The following MAP3K15 variants were observed in gnomAD, a reference collection of about 807,000 sequenced individuals.
MAP3K15 encodes mitogen-activated protein kinase kinase kinase 15.
Under a neutral mutation model 99.5 loss-of-function variants are expected in MAP3K15, and 124 were observed. That is an observed-to-expected ratio of 1.25 (90% CI 1.08 to 1.45). MAP3K15 has a LOEUF of 1.45. Ranked by LOEUF, MAP3K15 falls within the 40% of genes most tolerant of loss-of-function variation. The pLI is 0.00. For synonymous variants in MAP3K15, 494 were observed against 439.6 expected (o/e 1.12, Z -1.55); for missense variants, 1,242 against 1,079.7 (o/e 1.15, Z -2.11).
Position 19,361,586 on chromosome X carries a change from T to C in MAP3K15, c.3687A>G (p.Thr1229=). The C allele has an allele frequency of 8.4e-7, 1 of 1,188,522 alleles. No individual in the cohort carries two copies. The highest frequency in any genetic ancestry group is 1.1e-6 in the Non-Finnish European group (1 of 876,137). The change falls in exon 27 of 29, where the codon ACA becomes ACG. Residue 1229 remains threonine, a synonymous_variant. Coordinates refer to ENST00000338883, the MANE Select transcript of MAP3K15 (RefSeq NM_001001671.4). The part of the protein sequence containing the change: ...LQLKLKSNCI[T]ENPAGPYGQR... ...GCCCGTAGGGGCCTGCTGGGTTCTC[T>C]GTAATACCTGTAACGATTGGCAATT...
intron 12 of MAP3K15, among the ~76,000 whole-genome samples, chrX:19,409,103 CCTTTT>C (rs2063668563): frequency 9.0e-6 from 1 of 111,462 alleles, no homozygotes; most frequent in South Asian, 3.8e-4. Context: ...TTATTTCCCT[CCTTTT>C]AAGTGATGTT....
chrX:19,499,779 T>C (rs1312582960), intron 1 of MAP3K15, among the ~76,000 whole-genome samples: 1 of 111,533 alleles, frequency 9.0e-6, no homozygotes, highest in Non-Finnish European at 1.9e-5. Flanking sequence ...CATAGCCTTA[T>C]AGGGGTAAAG....
intron 6 of MAP3K15, among the ~76,000 whole-genome samples, chrX:19,436,978 C>T (rs1224278990): frequency 1.8e-5 from 2 of 111,836 alleles, no homozygotes; most frequent in African/African-American, 6.5e-5. Context: ...ATGGCTGGCC[C>T]CAAATCAAAC....
chrX:19,503,737 A>C (rs751588083), intron 1 of MAP3K15, among the ~76,000 whole-genome samples: 27 of 110,557 alleles, frequency 2.4e-4, no homozygotes, highest in Non-Finnish European at 3.6e-4. Flanking sequence ...ATAGGATATA[A>C]GAAGTCTTAA....
At chrX:19,429,473 C>G (rs774249678) in intron 7 of MAP3K15, among the ~76,000 whole-genome samples, 24 of 109,972 alleles carry the variant, frequency 2.2e-4, no homozygotes, top group Non-Finnish European at 4.0e-4. Context: ...AAAGTTTAGA[C>G]CTAGGAGGGT....
At chrX:19,384,506 G>A (rs904942723) in intron 18 of MAP3K15, among the ~76,000 whole-genome samples, 6 of 110,009 alleles carry the variant, frequency 5.5e-5, no homozygotes, top group Non-Finnish European at 7.6e-5. Context: ...TTGGGAGGCC[G>A]AGGTGGGTGG....
At chrX:19,439,545 C>T (rs2063945227) in intron 6 of MAP3K15, among the ~76,000 whole-genome samples, 2 of 111,635 alleles carry the variant, frequency 1.8e-5, no homozygotes, top group African/African-American at 6.5e-5. Flanking sequence ...AGCTCAACCA[C>T]AGCCTTCAAC....
intron 9 of MAP3K15, among the ~76,000 whole-genome samples, chrX:19,415,620 T>C (rs966799188): frequency 6.3e-5 from 7 of 111,683 alleles, no homozygotes; most frequent in Non-Finnish European, 1.3e-4. Context: ...GCTCCACTTA[T>C]ACATGGATTT....
chrX:19,500,845 T>C (rs1454913417), intron 1 of MAP3K15, among the ~76,000 whole-genome samples: 1 of 111,955 alleles, frequency 8.9e-6, no homozygotes, highest in Non-Finnish European at 1.9e-5. Flanking sequence ...GAACTGAAAA[T>C]ACATTTTGTC....
At chrX:19,421,835 T>C (rs2203259) in intron 9 of MAP3K15, among the ~76,000 whole-genome samples, 27 of 109,842 alleles carry the variant, frequency 2.5e-4, no homozygotes, top group African/African-American at 9.1e-4. Context: ...AACAGAGATA[T>C]AGACCAATGG....
At chrX:19,362,409 A>AT (rs1363062711) in intron 26 of MAP3K15, among the ~76,000 whole-genome samples, 1 of 107,841 alleles carries the variant, frequency 9.3e-6, no homozygotes. Context: ...GTTTTTTTCT[A>AT]TTTTTTGTAC....
chrX:19,399,762 A>C (rs982950563), intron 14 of MAP3K15, among the ~76,000 whole-genome samples: 1 of 107,022 alleles, frequency 9.3e-6, no homozygotes, highest in Non-Finnish European at 1.9e-5. Context: ...AAAAAAAAAA[A>C]AAAACATGGT....
intron 1 of MAP3K15, among the ~76,000 whole-genome samples, chrX:19,510,583 T>C (rs1470686096): frequency 3.6e-5 from 4 of 112,328 alleles, no homozygotes; most frequent in African/African-American, 1.3e-4. Flanking sequence ...CCATAGCCAA[T>C]ATCATACTGA....
In MAP3K15 at chrX:19,460,065, T is replaced by C; in HGVS notation, c.808A>G (p.Ile270Val). 1.7e-6 allele frequency: 2 copies of C among 1,196,903 alleles called. No homozygotes were observed. The highest frequency in any genetic ancestry group is 1.1e-6 in the Non-Finnish European group (1 of 892,810). Residue 270 changes from isoleucine to valine, a missense_variant, in exon 5 of 29, where the codon ATC becomes GTC. Coordinates refer to ENST00000338883, the MANE Select transcript of MAP3K15 (RefSeq NM_001001671.4). The part of the protein sequence containing the change: ...GEELAKELAR[I>V]KLRMDNTEVL... The stretch of plus-strand genomic sequence containing the variant: ...TCAGTATTATCCATGCGGAGCTTGA[T>C]CCGAGCTAGCTCCTTCGCCAGTTCC...
At chrX:19,507,912 G>T (rs2064490627) in intron 1 of MAP3K15, among the ~76,000 whole-genome samples, 1 of 112,093 alleles carries the variant, frequency 8.9e-6, no homozygotes. Context: ...TGTCTGCCTG[G>T]GCTGGAGTGC....
In MAP3K15 at chrX:19,515,169, C is replaced by T. The variant is rs2064554011; in HGVS notation, c.93G>A (p.Ala31=). The T allele has an allele frequency of 9.7e-6, 8 of 823,599 alleles. No individual in the cohort carries two copies. The South Asian group carries it at 3.8e-4, about 39-fold the overall frequency. The allele number at this position is 823,599 out of a possible 1,213,427, so 67.9% of individuals were successfully genotyped here. The change falls in exon 1 of 29, where the codon GCG becomes GCA. Residue 31 remains alanine (A), a synonymous_variant. Coordinates refer to ENST00000338883, the MANE Select transcript of MAP3K15 (RefSeq NM_001001671.4). ...QCPPPPGVEG[A]AGPAEPDGAA... ...CCCCGTCGGGCTCCGCCGGCCCGGCCGCGCCCTCCACCCCCGGCGGCGGCG... is the reference window on the plus strand; with the variant it reads ...CCCCGTCGGGCTCCGCCGGCCCGGCTGCGCCCTCCACCCCCGGCGGCGGCG...
intron 1 of MAP3K15, among the ~76,000 whole-genome samples, chrX:19,511,144 T>C (rs1253444315): frequency 9.0e-6 from 1 of 111,364 alleles, no homozygotes; most frequent in Non-Finnish European, 1.9e-5. Flanking sequence ...TGGACCCCTT[T>C]CTTACACCTT....
At chrX:19,425,909 A>G (rs2063825563) in intron 8 of MAP3K15, among the ~76,000 whole-genome samples, 1 of 111,289 alleles carries the variant, frequency 9.0e-6, no homozygotes. Context: ...ACTTGAGGTC[A>G]AGAGTTCGAG....
rs2064555284 is a variant in MAP3K15, at chrX:19,515,312, C to G, written c.-51G>C. The G allele has an allele frequency of 1.3e-6, 1 of 782,174 alleles. No individual in the cohort carries two copies. Among genetic ancestry groups the G allele is most frequent in the African/African-American group, 2.2e-5 (1 of 44,692 alleles). The allele number at this position is 782,174 out of a possible 1,213,427, so 64.5% of individuals were successfully genotyped here. ...GGGCGAGTGGCCAGCGGCTGCGATC[C>G]GCTAGGAGGCACAAGTTACAGCAGC... On this transcript the variant is annotated 5_prime_UTR_variant, in exon 1 of 29. Transcript: ENST00000338883.
Sources: gnomAD v4.1 joint callset for allele counts (sites outside exome capture counted in the v4.1 genomes callset) on GRCh38, gnomAD v4.1.1 for gene constraint, MANE v1.5 for transcripts, NCBI Gene and HGNC (gene_info 2026-07-23, HGNC 2026-07-21) for gene names.